The following NBPF15 variants were observed in gnomAD, a reference collection of about 807,000 sequenced individuals.
NBPF15 encodes NBPF member 15, also known as NBPF family member NBPF15.
A neutral mutation model predicts 62.2 loss-of-function variants in NBPF15; 74 were observed. The ratio of observed to expected loss-of-function variants is 1.19; its 90% CI spans 0.99 to 1.44. The LOEUF is 1.44. Among genes scored for constraint, NBPF15 ranks in the 40% most tolerant of loss-of-function variants. The pLI is 0.00. For synonymous variants in NBPF15, 244 were observed against 209.7 expected, an observed-to-expected ratio of 1.16 and a Z score of -1.41; for missense variants, 790 against 550.0, an observed-to-expected ratio of 1.44 and a Z score of -4.36.
Position 144,422,821 on chromosome 1 carries a change from C to A in NBPF15, c.*192G>T, listed in dbSNP as rs1553538432. On this transcript the variant is annotated 3_prime_UTR_variant, in exon 22 of 22. Coordinates refer to ENST00000581897, the MANE Select transcript of NBPF15 (RefSeq NM_001385408.1). ...TGCACAGTTATGTGAACGTGTCACA[C>A]CTAACATGGGTCCATTGTCTTCAGA... The A allele has an allele frequency of 6.4e-6, 9 of 1,413,504 alleles. No individual in the cohort carries two copies. Among genetic ancestry groups the A allele is most frequent in the African/African-American group, 2.9e-5 (2 of 69,590 alleles). The allele number at this position is 1,413,504 out of a possible 1,614,324, so 87.6% of individuals were successfully genotyped here.
chr1:144,424,052 A>G (rs1553538787), intron 20 of NBPF15, 77 bp from the exon 21 acceptor site: 2 of 758,518 alleles, frequency 2.6e-6, no homozygotes, highest in African/African-American at 1.7e-5. Flanking sequence ...TCTAATCCTC[A>G]CACAGGGACC....
rs1381435788 is a variant in NBPF15 at position 144,461,410 on chromosome 1, C to A, written c.-967G>T. 2 of 152,050 alleles carry A rather than the reference C, an allele frequency of 1.3e-5. No homozygotes were observed. Among genetic ancestry groups the A allele is most frequent in the African/African-American group, 2.4e-5 (1 of 41,392 alleles). 9.4% of individuals were successfully genotyped at this position (152,050 alleles called of 1,614,324 possible). ...CGCCCGGCCTGGCGCGGCGCCTTCACCTCGGAAACGCTGGGTGGACTTCGC... is the reference window on the plus strand; with the variant it reads ...CGCCCGGCCTGGCGCGGCGCCTTCAACTCGGAAACGCTGGGTGGACTTCGC... On this transcript the variant is annotated 5_prime_UTR_variant, in exon 1 of 22. Coordinates refer to ENST00000581897, the MANE Select transcript of NBPF15 (RefSeq NM_001385408.1).
intron 4 of NBPF15, among the ~76,000 whole-genome samples, chr1:144,455,094 A>AG (rs1693571532): frequency 7.8e-6 from 1 of 127,960 alleles, no homozygotes; most frequent in Non-Finnish European, 1.6e-5. Flanking sequence ...GGAAGGAGGA[A>AG]GGAAGGAAGG....
At chr1:144,426,515 G>C (rs1308552767) in intron 17 of NBPF15, 65 bp from the exon 18 acceptor site, 3 of 777,080 alleles carry the variant, frequency 3.9e-6, no homozygotes, top group East Asian at 4.9e-5. Flanking sequence ...GCCCCAGCTA[G>C]ATTTCATGGC....
intron 4 of NBPF15, among the ~76,000 whole-genome samples, chr1:144,452,155 A>T (rs1203040884): frequency 6.6e-6 from 1 of 151,702 alleles, no homozygotes. Flanking sequence ...TCCATCTCCA[A>T]AAAAAAAGAT....
chr1:144,430,988 C>G (rs1673804712), intron 13 of NBPF15, among the ~76,000 whole-genome samples: 2 of 151,688 alleles, frequency 1.3e-5, no homozygotes, highest in African/African-American at 2.4e-5. Flanking sequence ...GATTCAAGAT[C>G]AAATTAATGA....
At chr1:144,432,989 C>T (rs1473832214) in intron 13 of NBPF15, among the ~76,000 whole-genome samples, 1 of 151,824 alleles carries the variant, frequency 6.6e-6, no homozygotes, top group Admixed American at 6.6e-5. Flanking sequence ...CACCCCAAAT[C>T]AACAGAATAT....
In NBPF15 at chr1:144,427,883, T is replaced by C. The variant is rs1553539587; in HGVS notation, c.1148A>G (p.Gln383Arg). ...SGCLELTDSC[Q>R]PYRSAFYVLE... ...TACGTAAAAGGCACTTCTGTAGGGC[T>C]GGCATGAGTCAGTCAGTTCAAGACA... Residue 383 changes from glutamine to arginine, a missense_variant, in exon 16 of 22, where the codon CAG becomes CGG. Coordinates refer to ENST00000581897, the MANE Select transcript of NBPF15 (RefSeq NM_001385408.1). The C allele has an allele frequency of 1.6e-6, 1 of 643,280 alleles. No homozygotes were observed. 39.8% of individuals were successfully genotyped at this position (643,280 alleles called of 1,614,324 possible). A position where few individuals can be genotyped will look rare whatever the true frequency, so the allele number is the denominator to read the frequency against.
chr1:144,450,628 ATAATAGGC>A (rs1690484660), intron 5 of NBPF15, 136 bp downstream of exon 5: 1 of 155,220 alleles, frequency 6.4e-6, no homozygotes, highest in Admixed American at 6.6e-5. Context: ...TGGTAATGTG[ATAATAGGC>A]AGCAAGAGAA....
At chr1:144,446,141 C>T (rs1189290054) in intron 6 of NBPF15, among the ~76,000 whole-genome samples, 6 of 151,904 alleles carry the variant, frequency 3.9e-5, no homozygotes, top group African/African-American at 1.5e-4. Context: ...GTGTGAGCCA[C>T]GGTGCCCAGT....
chr1:144,458,748 A>G (rs1393419175), intron 3 of NBPF15, among the ~76,000 whole-genome samples: 1 of 151,976 alleles, frequency 6.6e-6, no homozygotes, highest in African/African-American at 2.4e-5. Flanking sequence ...TGTAGTAAAA[A>G]GTGAATCATA....
chr1:144,443,957 G>A (rs1337351250), intron 6 of NBPF15, among the ~76,000 whole-genome samples: 3 of 151,368 alleles, frequency 2.0e-5, no homozygotes, highest in Non-Finnish European at 2.9e-5. Flanking sequence ...CTTCAGGTCC[G>A]TTTGCATTTT....
At chr1:144,450,584 T>C (rs1166776828) in intron 5 of NBPF15, among the ~76,000 whole-genome samples, 188 bp downstream of exon 5, 1 of 150,584 alleles carries the variant, frequency 6.6e-6, no homozygotes, top group Non-Finnish European at 1.5e-5. Context: ...GGCCACTTCA[T>C]TCCAGACTTC....
chr1:144,426,358 A>T lies in NBPF15; in HGVS notation c.1358T>A (p.Leu453Gln), dbSNP rs1669631207. 1.2e-6 allele frequency: 1 copy of T among 849,812 alleles called. No individual in the cohort carries two copies. The highest frequency in any genetic ancestry group is 1.3e-5 in the South Asian group (1 of 75,718). The allele number at this position is 849,812 out of a possible 1,614,324, so 52.6% of individuals were successfully genotyped here. Reference protein sequence around the residue: ...CYSTPSDYLELPDLGQPYSSA... With the variant: ...CYSTPSDYLEQPDLGQPYSSA... ...GCTGTAGGGCTGGCCTAAGTCAGGCAGTTCAAGATAATCTGAAGGAGTCGA... is the reference window on the plus strand; with the variant it reads ...GCTGTAGGGCTGGCCTAAGTCAGGCTGTTCAAGATAATCTGAAGGAGTCGA... Residue 453 changes from leucine (L) to glutamine (Q), a missense_variant, in exon 18 of 22, where the codon CTG becomes CAG. Physicochemically the swap from Leu to Gln is moderately radical, Grantham distance 113. Coordinates refer to ENST00000581897, the MANE Select transcript of NBPF15 (RefSeq NM_001385408.1).
At chr1:144,432,619 C>A (rs1427231458) in intron 13 of NBPF15, among the ~76,000 whole-genome samples, 1 of 151,650 alleles carries the variant, frequency 6.6e-6, no homozygotes, top group Non-Finnish European at 1.5e-5. Flanking sequence ...GGAAGATCTA[C>A]CAAGCAAATG....
chr1:144,422,622 A>T lies in NBPF15; in HGVS notation c.*391T>A, dbSNP rs1666541453. The T allele has an allele frequency of 3.1e-6, 1 of 324,556 alleles. No homozygotes were observed. The highest frequency in any genetic ancestry group is 5.6e-6 in the Non-Finnish European group (1 of 178,494). 20.1% of individuals were successfully genotyped at this position (324,556 alleles called of 1,614,324 possible). On this transcript the variant is annotated 3_prime_UTR_variant, in exon 22 of 22. Transcript: ENST00000581897. ...AGACACAAAGAATGAGGTTAGGTTCATTGAAACCAGGGTAACACCTTTGGA... is the reference window on the plus strand; with the variant it reads ...AGACACAAAGAATGAGGTTAGGTTCTTTGAAACCAGGGTAACACCTTTGGA...
At chr1:144,424,034 A>G in intron 20 of NBPF15, 59 bp from the exon 21 acceptor site, 1 of 759,576 alleles carries the variant, frequency 1.3e-6, no homozygotes, top group Non-Finnish European at 2.4e-6. Context: ...ACATATAACA[A>G]TCCACTGTCT....
intron 17 of NBPF15, among the ~76,000 whole-genome samples, 193 bp downstream of exon 17, chr1:144,426,854 T>G (rs1670112190): frequency 6.8e-6 from 1 of 147,864 alleles, no homozygotes; most frequent in Non-Finnish European, 1.5e-5. Flanking sequence ...CAACCTATAG[T>G]AAGTTAGTAA....
intron 4 of NBPF15, among the ~76,000 whole-genome samples, chr1:144,455,141 A>G (rs1270785060): frequency 6.9e-6 from 1 of 145,812 alleles, no homozygotes; most frequent in Non-Finnish European, 1.5e-5. Flanking sequence ...GGGAGGAAGA[A>G]AAGGAGGGAG....
Sources: allele counts gnomAD v4.1 joint callset (sites outside exome capture counted in the v4.1 genomes callset), GRCh38; gene constraint gnomAD v4.1.1; transcripts MANE v1.5; gene names NCBI Gene and HGNC (gene_info 2026-07-23, HGNC 2026-07-21).